Variants in RCC1L observed in about 807,000 individuals in gnomAD.
RCC1L encodes RCC1 like, also known as RCC1-like G exchanging factor-like protein.
RCC1L carries 46 observed loss-of-function variants against 58.6 expected under a neutral mutation model. The observed-to-expected ratio is 0.79, with a 90% CI of 0.62 to 1.00. The LOEUF is 1.00. Ranked by LOEUF, RCC1L falls within the 50% of genes least tolerant of loss-of-function variation. The probability of loss-of-function intolerance (pLI) is 0.00; values close to 1 mark genes in which losing one functional copy is unlikely to be tolerated. For missense variants in RCC1L, 636 were observed against 623.6 expected (o/e 1.02, Z -0.21); for synonymous variants, 281 against 262.9 (o/e 1.07, Z -0.67).
At chr7:75,037,520 T>G (rs1202422726), downstream of RCC1L, among the ~76,000 whole-genome samples, 27 of 143,246 alleles carry the variant, frequency 1.9e-4, no homozygotes, top group Admixed American at 1.8e-3. Context: ...TTTTTTTTTT[T>G]GGGAGACGGA....
chr7:75,054,086 A>G (rs1806000479), intron 9 of RCC1L, among the ~76,000 whole-genome samples: 1 of 152,162 alleles, frequency 6.6e-6, no homozygotes, highest in Non-Finnish European at 1.5e-5. Flanking sequence ...TATTTTTTGT[A>G]GAAAAGGGAT....
intron 4 of RCC1L, among the ~76,000 whole-genome samples, chr7:75,063,693 C>T (rs1387930827): frequency 2.0e-5 from 3 of 151,952 alleles, no homozygotes; most frequent in Non-Finnish European, 4.4e-5. Context: ...CCGAGGTGGG[C>T]GGATCACTTG....
chr7:75,056,602 A>G, intron 8 of RCC1L: 2 of 1,534,748 alleles, frequency 1.3e-6, no homozygotes, highest in Admixed American at 2.0e-5. Context: ...TCTGCCTTTG[A>G]TTTTTTGGCT....
intron 6 of RCC1L, among the ~76,000 whole-genome samples, chr7:75,060,374 A>C (rs1414285342): frequency 6.6e-6 from 1 of 152,232 alleles, no homozygotes; most frequent in Non-Finnish European, 1.5e-5. Context: ...CCCCATACCA[A>C]GTGCCAATAA....
At position 75,052,737 on chromosome 7, in the gene RCC1L, G is replaced by C. The variant is rs1360216980; in HGVS notation, c.1291C>G (p.Leu431Val). ...NIRGCLGIGR[L>V]EDQYFPWRVT... ...CTCCATGGGAAATACTGGTCCTCCAGGCGACCGATTCCCAGGCACCCTCGG... is the reference window on the plus strand; with the variant it reads ...CTCCATGGGAAATACTGGTCCTCCACGCGACCGATTCCCAGGCACCCTCGG... Residue 431 changes from leucine to valine, a missense_variant, in exon 10 of 11, where the codon CTG becomes GTG. Physicochemically the swap from Leu to Val is conservative, Grantham distance 32 (BLOSUM62 1). Transcript: ENST00000610322. The C allele has an allele frequency of 6.2e-7, 1 of 1,613,032 alleles. No homozygotes were observed. Among genetic ancestry groups the C allele is most frequent in the Admixed American group, 1.7e-5 (1 of 59,878 alleles).
chr7:75,058,752 T>C lies in RCC1L; in HGVS notation c.805A>G (p.Ile269Val). The change falls in exon 7 of 11, where the codon ATC (isoleucine) becomes GTC (valine). Residue 269 changes from isoleucine to valine, a missense_variant. Transcript: ENST00000610322. The stretch of plus-strand genomic sequence containing the variant: ...CCCAGCTTGGTGGGCGAGCTGGTGA[T>C]ATTGTAGTGACCCAGACCTAACACA... Reference protein sequence around the residue: ...DGQTGLGHYNITSSPTKLGGD... With the variant: ...DGQTGLGHYNVTSSPTKLGGD... The C allele has an allele frequency of 6.2e-7, 1 of 1,613,962 alleles. No individual in the cohort carries two copies. Among genetic ancestry groups the C allele is most frequent in the Non-Finnish European group, 8.5e-7 (1 of 1,179,836 alleles).
intron 10 of RCC1L, among the ~76,000 whole-genome samples, chr7:75,032,741 G>C (rs1805339092): frequency 6.6e-6 from 1 of 152,102 alleles, no homozygotes; most frequent in Admixed American, 6.6e-5. Context: ...TATGCCTGGG[G>C]TCTGAAGACA....
intron 3 of RCC1L, among the ~76,000 whole-genome samples, chr7:75,065,219 A>C (rs1487187787): frequency 1.3e-5 from 2 of 151,976 alleles, no homozygotes; most frequent in Non-Finnish European, 2.9e-5. Context: ...GAGCTCCTAA[A>C]TGCCACCTCC....
rs782344069 is a variant in RCC1L at position 75,073,654 on chromosome 7, C to T, written c.84G>A (p.Ala28=). The change falls in exon 1 of 11, where the codon GCG becomes GCA. Residue 28 remains alanine (A), a synonymous_variant. Transcript: ENST00000610322. ...GPGLGRGHWT[A]AGRSRSRREA... ...CGCGCCGGCTCCGGGAGCGCCCGGC[C>T]GCCGTCCAGTGCCCTCGCCCCAGCC... 23 of 1,473,512 alleles carry T rather than the reference C, an allele frequency of 1.6e-5. No homozygotes were observed. Among genetic ancestry groups the T allele is most frequent in the African/African-American group, 5.9e-5 (4 of 67,888 alleles). 91.3% of individuals were successfully genotyped at this position (1,473,512 alleles called of 1,614,324 possible).
intron 4 of RCC1L, among the ~76,000 whole-genome samples, chr7:75,064,354 G>A (rs587649139): frequency 1.2e-3 from 176 of 151,442 alleles, no homozygotes; most frequent in African/African-American, 2.9e-3. Flanking sequence ...AAATTTATCC[G>A]GAGGTTTTAC....
In RCC1L at chr7:75,073,470, C is replaced by G. The variant is rs892480821; in HGVS notation, c.268G>C (p.Ala90Pro). 1.5e-6 allele frequency: 2 copies of G among 1,377,586 alleles called. No individual in the cohort carries two copies. The highest frequency in any genetic ancestry group is 3.9e-5 in the Admixed American group (1 of 25,546). The allele number at this position is 1,377,586 out of a possible 1,614,324, so 85.3% of individuals were successfully genotyped here. ...PSSGPGPRAG[A>P]RPRRRIQPVP... The stretch of plus-strand genomic sequence containing the variant: ...GGCTGGATCCTGCGGCGCGGTCGGG[C>G]GCCGGCGCGGGGCCCGGGCCCGGAG... The change falls in exon 1 of 11, where the codon GCC (alanine) becomes CCC (proline). Residue 90 changes from alanine (A) to proline (P), a missense_variant. Coordinates refer to ENST00000610322, the MANE Select transcript of RCC1L (RefSeq NM_030798.5).
intron 1 of RCC1L, among the ~76,000 whole-genome samples, chr7:75,072,923 G>C (rs1418033664): frequency 6.6e-6 from 1 of 152,202 alleles, no homozygotes; most frequent in African/African-American, 2.4e-5. Flanking sequence ...CTGAGCGACA[G>C]AGCGAGACCC....
At chr7:75,040,043 C>T (rs915565284), downstream of RCC1L, among the ~76,000 whole-genome samples, 1 of 152,102 alleles carries the variant, frequency 6.6e-6, no homozygotes, top group Non-Finnish European at 1.5e-5. Context: ...ACCAGGAGCC[C>T]TCGTGACCCA....
chr7:75,053,302 G>A (rs2131989073), intron 9 of RCC1L, among the ~76,000 whole-genome samples: 1 of 151,936 alleles, frequency 6.6e-6, no homozygotes, highest in East Asian at 1.9e-4. Context: ...CACGGGGCTG[G>A]AGGTCACTGA....
intron 8 of RCC1L, chr7:75,056,522 T>C (rs1426748767): frequency 2.6e-6 from 4 of 1,511,558 alleles, no homozygotes; most frequent in Non-Finnish European, 2.6e-6. Context: ...GTTTTGGTTA[T>C]AGAAAGTTTA....
intron 10 of RCC1L, among the ~76,000 whole-genome samples, chr7:75,048,965 T>C (rs1264499993): frequency 3.3e-5 from 5 of 152,238 alleles, no homozygotes; most frequent in African/African-American, 1.2e-4. Flanking sequence ...TCTCAACGTG[T>C]AGCAAAAAAA....
At chr7:75,072,161 C>CATATACATATATACATATATAT in intron 1 of RCC1L, among the ~76,000 whole-genome samples, 1 of 46,366 alleles carries the variant, frequency 2.2e-5, no homozygotes, top group Non-Finnish European at 4.6e-5. Flanking sequence ...TATACATATA[C>CATATACATATATACATATATAT]ATATATATAT....
chr7:75,072,739 G>A (rs1392892602), intron 1 of RCC1L, among the ~76,000 whole-genome samples: 2 of 152,130 alleles, frequency 1.3e-5, no homozygotes, highest in African/African-American at 4.8e-5. Context: ...CAGCACTTTG[G>A]GAGGCCAAGG....
intron 3 of RCC1L, among the ~76,000 whole-genome samples, chr7:75,066,318 G>T (rs902677273): frequency 6.6e-6 from 1 of 152,054 alleles, no homozygotes; most frequent in Non-Finnish European, 1.5e-5. Context: ...GGATGTGGTG[G>T]CGGGCACCTG....
Sources: gnomAD v4.1 joint callset for allele counts (sites outside exome capture counted in the v4.1 genomes callset) on GRCh38, gnomAD v4.1.1 for gene constraint, MANE v1.5 for transcripts, NCBI Gene and HGNC (gene_info 2026-07-23, HGNC 2026-07-21) for gene names.